ABLIM1: variants seen among roughly 807,000 people sequenced by gnomAD.
ABLIM1 encodes the protein actin-binding LIM protein 1.
A neutral mutation model predicts 107.0 loss-of-function variants in ABLIM1; 40 were observed. The observed-to-expected ratio is 0.37, with a 90% CI of 0.29 to 0.49. The LOEUF (loss-of-function observed/expected upper bound fraction) is 0.49, where lower values mean the gene tolerates loss of function less well. ABLIM1 is among the 20% of genes least tolerant of loss of function. ABLIM1 has a pLI of 0.97. For missense variants in ABLIM1, 857 were observed against 1,008.5 expected, an observed-to-expected ratio of 0.85 and a Z score of 2.04; for synonymous variants, 357 against 357.3, an observed-to-expected ratio of 1.00 and a Z score of 0.01.
the ABLIM1 span, among the ~76,000 whole-genome samples, chr10:114,793,199 T>G: frequency 6.6e-6 from 1 of 151,752 alleles, no homozygotes; most frequent in African/African-American, 2.4e-5. Flanking sequence ...ATGTTGGAGG[T>G]GGGGCCTGGT....
At chr10:114,482,106 G>T (rs2057461612) in intron 8 of ABLIM1, among the ~76,000 whole-genome samples, 1 of 152,142 alleles carries the variant, frequency 6.6e-6, no homozygotes, top group Admixed American at 6.5e-5. Context: ...ACACCCCCCA[G>T]ATTATTACAG....
intron 1 of ABLIM1, among the ~76,000 whole-genome samples, chr10:114,618,338 A>AT (rs1323497649): frequency 6.6e-6 from 1 of 152,164 alleles, no homozygotes; most frequent in Non-Finnish European, 1.5e-5. Flanking sequence ...TGAATAATCC[A>AT]TCATGTTTTC....
In ABLIM1 at chr10:114,434,742, A is replaced by G. The variant is rs1259460288; in HGVS notation, c.*1518T>C. 1 of 152,218 alleles carries G rather than the reference A, an allele frequency of 6.6e-6. No individual in the cohort carries two copies. The highest frequency in any genetic ancestry group is 1.9e-4 in the East Asian group (1 of 5,196). The allele number at this position is 152,218 out of a possible 1,614,324, so 9.4% of individuals were successfully genotyped here. A position where few individuals can be genotyped will look rare whatever the true frequency, so the allele number is the denominator to read the frequency against. On this transcript the variant is annotated 3_prime_UTR_variant, in exon 23 of 23. Coordinates refer to ENST00000533213, the MANE Select transcript of ABLIM1 (RefSeq NM_002313.7). ...CCTCATCTAACTCACGTCGGGAATC[A>G]TGATGTGGTTTCATATGCACGCACG...
At chr10:114,742,201 C>T (rs2082301700) in intron 1 of ABLIM1, among the ~76,000 whole-genome samples, 1 of 152,164 alleles carries the variant, frequency 6.6e-6, no homozygotes, top group African/African-American at 2.4e-5. Context: ...TAAAAAACTA[C>T]TCTTTTGCGA....
chr10:114,647,722 C>A (rs867088179), intron 1 of ABLIM1, among the ~76,000 whole-genome samples: 4 of 152,136 alleles, frequency 2.6e-5, no homozygotes, highest in African/African-American at 9.7e-5. Context: ...TTTTTCTGGG[C>A]TCTGTGAGTC....
intron 1 of ABLIM1, among the ~76,000 whole-genome samples, chr10:114,691,178 C>T (rs1468151542): frequency 6.6e-6 from 1 of 152,194 alleles, no homozygotes; most frequent in East Asian, 1.9e-4. Flanking sequence ...GATTTGAACT[C>T]GGATCTCTAT....
chr10:114,649,055 T>C (rs532891511), intron 1 of ABLIM1, among the ~76,000 whole-genome samples: 35 of 152,126 alleles, frequency 2.3e-4, no homozygotes, highest in Non-Finnish European at 4.7e-4. Context: ...ACCATAGACC[T>C]TAGGAAAGTC....
At chr10:114,789,064 G>A in the ABLIM1 span, among the ~76,000 whole-genome samples, 1 of 152,014 alleles carries the variant, frequency 6.6e-6, no homozygotes, top group Non-Finnish European at 1.5e-5. Context: ...AAACCAGCCT[G>A]GTCAATATGG....
chr10:114,800,684 G>A, the ABLIM1 span, among the ~76,000 whole-genome samples: 1 of 152,106 alleles, frequency 6.6e-6, no homozygotes, highest in Non-Finnish European at 1.5e-5. Flanking sequence ...AGGCCAAGGT[G>A]GGCTGATCAT....
At chr10:114,732,085 C>G (rs541058900) in intron 1 of ABLIM1, among the ~76,000 whole-genome samples, 2 of 132,484 alleles carry the variant, frequency 1.5e-5, no homozygotes, top group South Asian at 5.4e-4. Context: ...CTCATCAACA[C>G]TTGTATTCTC....
chr10:114,441,282 C>T (rs1397380360), intron 18 of ABLIM1, among the ~76,000 whole-genome samples: 2 of 152,064 alleles, frequency 1.3e-5, no homozygotes, highest in African/African-American at 4.8e-5. Context: ...TCAGCAGGCT[C>T]TTGGTAAGCA....
At chr10:114,684,439 GCCCTGGCTCTCCTCCC>G (rs1483099672) in exon 1 of ABLIM1, 45 of 1,583,844 alleles carry the variant, frequency 2.8e-5, no homozygotes, top group Non-Finnish European at 3.8e-5. Flanking sequence ...AGAGGCTGGG[GCCCTGGCTCTCCTCCC>G]AGGAGTCTGT....
intron 1 of ABLIM1, among the ~76,000 whole-genome samples, chr10:114,762,202 T>C (rs561141488): frequency 6.6e-6 from 1 of 152,184 alleles, no homozygotes; most frequent in East Asian, 1.9e-4. Flanking sequence ...CCAGCTAATT[T>C]TTTTTATTTT....
At chr10:114,605,622 C>T (rs2076356903) in intron 1 of ABLIM1, among the ~76,000 whole-genome samples, 1 of 152,128 alleles carries the variant, frequency 6.6e-6, no homozygotes, top group African/African-American at 2.4e-5. Context: ...TTCCATGGCT[C>T]ATCAATTTTG....
chr10:114,578,651 C>T (rs909380387), intron 2 of ABLIM1, among the ~76,000 whole-genome samples: 9 of 152,004 alleles, frequency 5.9e-5, no homozygotes, highest in African/African-American at 1.9e-4. Context: ...GGTGATCTGC[C>T]CAACTCGGCC....
intron 4 of ABLIM1, among the ~76,000 whole-genome samples, chr10:114,559,459 A>AAAAAAG (rs1401832999): frequency 7.0e-6 from 1 of 142,158 alleles, no homozygotes; most frequent in African/African-American, 2.7e-5. Flanking sequence ...AAAAAAAAAA[A>AAAAAAG]AAAGAAAGAA....
At chr10:114,662,845 C>G (rs1472994889), upstream of ABLIM1, among the ~76,000 whole-genome samples, 1 of 152,240 alleles carries the variant, frequency 6.6e-6, no homozygotes, top group African/African-American at 2.4e-5. Context: ...AAATTACTCT[C>G]TGACAATACA....
intron 6 of ABLIM1, among the ~76,000 whole-genome samples, chr10:114,515,749 G>A (rs1360594816): frequency 6.6e-6 from 1 of 152,196 alleles, no homozygotes; most frequent in African/African-American, 2.4e-5. Context: ...TATGACTGAT[G>A]TCCTTATAAG....
At chr10:114,690,596 C>T in intron 1 of ABLIM1, 1 of 860,048 alleles carries the variant, frequency 1.2e-6, no homozygotes. Context: ...AGCCCAAGGG[C>T]TCACCATTGA....
Sources: gnomAD v4.1 joint callset for allele counts (sites outside exome capture counted in the v4.1 genomes callset) on GRCh38, gnomAD v4.1.1 for gene constraint, MANE v1.5 for transcripts, NCBI Gene and HGNC (gene_info 2026-07-23, HGNC 2026-07-21) for gene names.